Variants in CYTIP observed in about 807,000 individuals in gnomAD.
CYTIP encodes the protein cytohesin-interacting protein.
CYTIP carries 26 observed loss-of-function variants against 43.8 expected under a neutral mutation model. The observed-to-expected ratio is 0.59, with a 90% CI of 0.44 to 0.82. The LOEUF (loss-of-function observed/expected upper bound fraction) is 0.82, where lower values mean the gene tolerates loss of function less well. CYTIP is among the 40% of genes least tolerant of loss of function. The probability of loss-of-function intolerance (pLI) is 0.00; values close to 1 mark genes in which losing one functional copy is unlikely to be tolerated. For synonymous variants in CYTIP, 162 were observed against 162.9 expected, an observed-to-expected ratio of 0.99 and a Z score of 0.04; for missense variants, 426 against 443.1, an observed-to-expected ratio of 0.96 and a Z score of 0.35.
intron 5 of CYTIP, among the ~76,000 whole-genome samples, chr2:157,428,496 GT>G (rs1436985784): frequency 1.3e-5 from 2 of 152,200 alleles, no homozygotes; most frequent in Admixed American, 1.3e-4. Flanking sequence ...TTGAATGTCA[GT>G]TTGACCTGCT....
intron 5 of CYTIP, among the ~76,000 whole-genome samples, chr2:157,427,880 G>A (rs376535355): frequency 1.3e-5 from 2 of 152,144 alleles, no homozygotes; most frequent in Admixed American, 1.3e-4. Flanking sequence ...CACAACCATG[G>A]AATTAACATG....
intron 6 of CYTIP, among the ~76,000 whole-genome samples, chr2:157,419,503 C>T (rs1402292455): frequency 6.6e-6 from 1 of 152,192 alleles, no homozygotes; most frequent in Non-Finnish European, 1.5e-5. Context: ...GCCTATCCCA[C>T]AGAGGGGACT....
intron 3 of CYTIP, among the ~76,000 whole-genome samples, chr2:157,433,851 G>A (rs925152589): frequency 6.6e-6 from 1 of 152,132 alleles, no homozygotes; most frequent in Non-Finnish European, 1.5e-5. Context: ...AGGAAAAAAA[G>A]CTACAAATTG....
In CYTIP at chr2:157,416,971, G is replaced by A. The variant is rs114677480; in HGVS notation, c.614-828C>T. On this transcript the variant is annotated intron_variant, in intron 7 of 7. Coordinates refer to ENST00000264192, the MANE Select transcript of CYTIP (RefSeq NM_004288.5). Reference sequence around the variant, plus strand: ...CTGAGTTGGTTGGTATCTTGTGTGTGTGTGTGTGTGAGAGAGAGAGAGAGA... The same window carrying A: ...CTGAGTTGGTTGGTATCTTGTGTGTATGTGTGTGTGAGAGAGAGAGAGAGA... Among the ~76,000 whole-genome samples, 981 of 152,118 alleles carry A rather than the reference G, an allele frequency of 6.4e-3. 16 individuals are homozygous for A. Among genetic ancestry groups the A allele is most frequent in the African/African-American group, 0.022 (892 of 41,462 alleles).
rs979478010 is a variant in CYTIP at position 157,430,890 on chromosome 2, T to C, written c.352A>G (p.Ser118Gly). 6 of 1,613,810 alleles carry C rather than the reference T, an allele frequency of 3.7e-6. No homozygotes were observed. In the African/African-American group the frequency reaches 6.7e-5, roughly 18 times the overall value. ...FTLICKIQED[S>G]PAHCAGLQAG... is the part of the protein sequence containing the mutation. The stretch of plus-strand genomic sequence containing the variant: ...TGCAGGCCAGCACAGTGAGCTGGGC[T>C]GTCCTCCTGTATTTTGCATATCAAA... The change falls in exon 4 of 8, where the codon AGC (serine) becomes GGC (glycine). Residue 118 changes from serine to glycine, a missense_variant. Physicochemically the swap from Ser to Gly is moderately conservative, Grantham distance 56. Transcript: ENST00000264192.
At chr2:157,443,795 C>G (rs1212972407) in intron 1 of CYTIP, 52 bp downstream of exon 1, 2 of 1,559,044 alleles carry the variant, frequency 1.3e-6, no homozygotes, top group African/African-American at 2.7e-5. Flanking sequence ...ACATATCACT[C>G]TGCCCTCAAG....
At chr2:157,416,231 C>G in intron 7 of CYTIP, 88 bp from the exon 8 acceptor site, 1 of 1,097,564 alleles carries the variant, frequency 9.1e-7, no homozygotes, top group Non-Finnish European at 1.3e-6. Context: ...TTGAATGACA[C>G]GAGAAAGAGT....
Position 157,430,946 on chromosome 2 carries a change from T to C in CYTIP, c.296A>G (p.Asn99Ser). ...CATTTCCGAGGAGCAGGCATTCTGA[T>C]TCTGGGGCCTGTAAGACTGTAAAAA... ...GFEIQSYRPQ[N>S]QNACSSEMFT... The change falls in exon 4 of 8, where the codon AAT becomes AGT. Residue 99 changes from asparagine to serine, a missense_variant. Transcript: ENST00000264192. 2 of 1,613,330 alleles carry C rather than the reference T, an allele frequency of 1.2e-6. No individual in the cohort carries two copies. Among genetic ancestry groups the C allele is most frequent in the South Asian group, 2.2e-5 (2 of 90,880 alleles).
chr2:157,438,989 T>G (rs1271810436), intron 1 of CYTIP: 10 of 417,248 alleles, frequency 2.4e-5, no homozygotes, highest in African/African-American at 2.0e-4. Flanking sequence ...TGTAAAATCT[T>G]TTAAACCACA....
chr2:157,420,532 A>C (rs1028948715), intron 6 of CYTIP, among the ~76,000 whole-genome samples: 1 of 151,368 alleles, frequency 6.6e-6, no homozygotes, highest in Admixed American at 6.6e-5. Context: ...TAAATAAATA[A>C]TTTTTTTAAA....
At position 157,418,561 on chromosome 2, in the gene CYTIP, T is replaced by A; in HGVS notation, c.575A>T (p.Tyr192Phe). The A allele has an allele frequency of 6.3e-7, 1 of 1,579,300 alleles. No individual in the cohort carries two copies. The highest frequency in any genetic ancestry group is 8.6e-7 in the Non-Finnish European group (1 of 1,164,698). ...ATGTTCCTGTAACTGCAGAGATCTGTACTCCACCCATTTTTGTTTCAAAGT... is the reference window on the plus strand; with the variant it reads ...ATGTTCCTGTAACTGCAGAGATCTGAACTCCACCCATTTTTGTTTCAAAGT... ...KQTLKQKWVE[Y>F]RSLQLQEHRL... Residue 192 changes from tyrosine to phenylalanine, a missense_variant, in exon 7 of 8, where the codon TAC becomes TTC. Physicochemically the swap from Tyr to Phe is conservative, Grantham distance 22. Transcript: ENST00000264192.
chr2:157,437,024 T>C (rs903451990), intron 1 of CYTIP, among the ~76,000 whole-genome samples: 4 of 152,042 alleles, frequency 2.6e-5, no homozygotes, highest in African/African-American at 9.7e-5. Flanking sequence ...AGAAAGAAAC[T>C]AGACCATACC....
At chr2:157,426,047 T>A (rs781471018) in intron 6 of CYTIP, among the ~76,000 whole-genome samples, 25 of 152,026 alleles carry the variant, frequency 1.6e-4, no homozygotes, top group Admixed American at 6.5e-4. Context: ...AAATTATTAT[T>A]AGAATAAAGG....
At chr2:157,434,066 ACT>A in intron 3 of CYTIP, 1 of 416,314 alleles carries the variant, frequency 2.4e-6, no homozygotes, top group Non-Finnish European at 4.3e-6. Flanking sequence ...AATGTATTTC[ACT>A]CTCTTATCTA....
intron 3 of CYTIP, 41 bp from the exon 4 acceptor site, chr2:157,431,003 C>G (rs1286855961): frequency 6.6e-7 from 1 of 1,522,538 alleles, no homozygotes; most frequent in Non-Finnish European, 8.9e-7. Context: ...ATTTAACAAC[C>G]TCAACATCTA....
At chr2:157,442,187 G>A (rs1346548677) in intron 1 of CYTIP, among the ~76,000 whole-genome samples, 1 of 152,136 alleles carries the variant, frequency 6.6e-6, no homozygotes, top group Non-Finnish European at 1.5e-5. Context: ...TATATTTACA[G>A]ATGTTTCACT....
intron 7 of CYTIP, 148 bp from the exon 8 acceptor site, chr2:157,416,291 C>G (rs997679376): frequency 6.0e-6 from 4 of 670,234 alleles, no homozygotes; most frequent in African/African-American, 3.6e-5. Flanking sequence ...GAATAAGTAA[C>G]TGTTTATGAG....
At chr2:157,424,935 G>A (rs563158376) in intron 6 of CYTIP, among the ~76,000 whole-genome samples, 184 of 152,186 alleles carry the variant, frequency 1.2e-3, no homozygotes, top group African/African-American at 4.3e-3. Flanking sequence ...CAAGTCAGTT[G>A]AAGGGGAAAG....
rs1031270990 is a variant in CYTIP at position 157,428,496 on chromosome 2, G to A, written c.477-1076C>T. On this transcript the variant is annotated intron_variant, in intron 5 of 7. Coordinates refer to ENST00000264192, the MANE Select transcript of CYTIP (RefSeq NM_004288.5). The stretch of plus-strand genomic sequence containing the variant: ...TCTGTTTCATTGGGATTGAATGTCA[G>A]TTTGACCTGCTGAAGCAATAGATGT... 7.9e-5 allele frequency among the ~76,000 whole-genome samples: 12 copies of A among 152,318 alleles called. No individual in the cohort carries two copies. The South Asian group carries it at 2.3e-3, about 29-fold the overall frequency.
Sources: allele counts gnomAD v4.1 joint callset (sites outside exome capture counted in the v4.1 genomes callset), GRCh38; gene constraint gnomAD v4.1.1; transcripts MANE v1.5; gene names NCBI Gene and HGNC (gene_info 2026-07-23, HGNC 2026-07-21).